NREP: variants seen among roughly 807,000 people sequenced by gnomAD.
NREP encodes neuronal regeneration related protein, also known as neuronal regeneration-related protein.
NREP carries 5 observed loss-of-function variants against 8.6 expected under a neutral mutation model. The ratio of observed to expected loss-of-function variants is 0.58; its 90% CI spans 0.30 to 1.22. NREP has a LOEUF of 1.22. NREP is among the 50% of genes most tolerant of loss of function. The pLI is 0.07. For missense variants in NREP, 86 were observed against 82.5 expected (o/e 1.04, Z -0.17); for synonymous variants, 27 against 28.0 (o/e 0.96, Z 0.11).
chr5:111,933,842 C>A (rs1755609490), intron 2 of NREP, among the ~76,000 whole-genome samples: 1 of 152,024 alleles, frequency 6.6e-6, no homozygotes, highest in Non-Finnish European at 1.5e-5. Flanking sequence ...AACCCAGAAG[C>A]TAGGGAGGAC....
At chr5:111,809,601 G>A (rs1348877237) in intron 2 of NREP, among the ~76,000 whole-genome samples, 19 of 152,128 alleles carry the variant, frequency 1.2e-4, no homozygotes, top group Admixed American at 9.8e-4. Context: ...GATATTCCTC[G>A]GGTTTTGCCT....
chr5:111,793,744 G>C (rs1313408494), intron 2 of NREP, among the ~76,000 whole-genome samples: 2 of 152,178 alleles, frequency 1.3e-5, no homozygotes, highest in Admixed American at 6.5e-5. Flanking sequence ...GCTAAGTAAA[G>C]TTGATGGCAC....
intron 2 of NREP, among the ~76,000 whole-genome samples, chr5:111,933,064 A>G (rs1341419387): frequency 2.6e-5 from 4 of 152,246 alleles, no homozygotes; most frequent in Non-Finnish European, 5.9e-5. Context: ...ACTCCTCCTT[A>G]GCATTATAAC....
At chr5:111,870,383 T>A (rs931880924) in intron 2 of NREP, among the ~76,000 whole-genome samples, 1 of 152,264 alleles carries the variant, frequency 6.6e-6, no homozygotes, top group South Asian at 2.1e-4. Context: ...TAAGCCAAGA[T>A]TGTGCCACTG....
rs116281392 is a variant in NREP, at chr5:111,878,823, G to A, written c.135+96451C>T. On this transcript the variant is annotated intron_variant, in intron 2 of 3. Transcript: ENST00000395634. Reference sequence around the variant, plus strand: ...CTCTGACCATCTGCAAGCTTCAGATGCTCACAAACTTTTCTTGATCATGGC... The same window carrying A: ...CTCTGACCATCTGCAAGCTTCAGATACTCACAAACTTTTCTTGATCATGGC... Among the ~76,000 whole-genome samples the A allele has an allele frequency of 8.1e-3, 1,226 of 152,190 alleles. 14 individuals carry two copies. Among genetic ancestry groups the A allele is most frequent in the Non-Finnish European group, 9.8e-3 (664 of 68,008 alleles).
chr5:111,733,275 T>C (rs1174489985), intron 3 of NREP: 1 of 152,204 alleles, frequency 6.6e-6, no homozygotes, highest in Non-Finnish European at 1.5e-5. Context: ...ATTAACTTGC[T>C]GTGTGGAAGA....
chr5:111,972,922 C>A (rs1431619607), intron 2 of NREP, among the ~76,000 whole-genome samples: 1 of 152,166 alleles, frequency 6.6e-6, no homozygotes, highest in African/African-American at 2.4e-5. Flanking sequence ...TCCATAAGCA[C>A]AAAACTAAAA....
intron 2 of NREP, among the ~76,000 whole-genome samples, chr5:111,777,700 A>C (rs1751397779): frequency 6.6e-6 from 1 of 152,060 alleles, no homozygotes; most frequent in Non-Finnish European, 1.5e-5. Context: ...AAGGAAGAAA[A>C]AGCAACGTTT....
intron 2 of NREP, among the ~76,000 whole-genome samples, chr5:111,885,614 C>T (rs1485029081): frequency 6.6e-6 from 1 of 151,952 alleles, no homozygotes; most frequent in South Asian, 2.1e-4. Flanking sequence ...GTACTGGTAC[C>T]AAAACAGAGA....
intron 2 of NREP, chr5:111,845,932 A>G (rs1173193960): frequency 6.6e-6 from 1 of 152,042 alleles, no homozygotes; most frequent in African/African-American, 2.4e-5. Context: ...TGTTAAGTGC[A>G]CAACTATGAC....
At chr5:111,830,603 C>T (rs1752744296) in intron 2 of NREP, among the ~76,000 whole-genome samples, 1 of 152,204 alleles carries the variant, frequency 6.6e-6, no homozygotes, top group Non-Finnish European at 1.5e-5. Context: ...TGGCACAAAG[C>T]CATTCTCCCT....
At chr5:111,755,895 C>G in intron 1 of NREP, 65 bp from the exon 2 acceptor site, 1 of 1,595,928 alleles carries the variant, frequency 6.3e-7, no homozygotes, top group Non-Finnish European at 8.6e-7. Context: ...CGAAAAATGC[C>G]TCTTTAGAGG....
At chr5:111,909,163 T>A (rs1307446414) in intron 2 of NREP, among the ~76,000 whole-genome samples, 1 of 152,058 alleles carries the variant, frequency 6.6e-6, no homozygotes, top group Non-Finnish European at 1.5e-5. Context: ...TTTTCTCTCA[T>A]TCTGTAGGTT....
intron 2 of NREP, among the ~76,000 whole-genome samples, chr5:111,875,457 C>A (rs761382883): frequency 2.0e-5 from 3 of 152,070 alleles, no homozygotes; most frequent in Non-Finnish European, 4.4e-5. Context: ...ACATAGAAAT[C>A]TTATTGTGGT....
chr5:111,953,920 T>G (rs1288321467), intron 2 of NREP, among the ~76,000 whole-genome samples: 1 of 152,092 alleles, frequency 6.6e-6, no homozygotes, highest in Non-Finnish European at 1.5e-5. Context: ...CAGTCTCACA[T>G]CCTCAAAGTA....
chr5:111,887,270 T>G (rs1220156704), intron 2 of NREP, among the ~76,000 whole-genome samples: 1 of 152,184 alleles, frequency 6.6e-6, no homozygotes, highest in Non-Finnish European at 1.5e-5. Context: ...CTTTGGTTTC[T>G]ATAGCAACTT....
chr5:111,793,644 C>A (rs1751805148), intron 2 of NREP, among the ~76,000 whole-genome samples: 1 of 152,184 alleles, frequency 6.6e-6, no homozygotes, highest in Non-Finnish European at 1.5e-5. Flanking sequence ...GCTAACTGGG[C>A]AGACTTTAGC....
intron 2 of NREP, among the ~76,000 whole-genome samples, chr5:111,742,294 C>T (rs997597504): frequency 6.6e-6 from 1 of 152,110 alleles, no homozygotes; most frequent in Non-Finnish European, 1.5e-5. Flanking sequence ...GTGGAATCCT[C>T]TAAATTCACT....
intron 2 of NREP, among the ~76,000 whole-genome samples, chr5:111,789,682 CTCTT>C (rs1207597899): frequency 1.3e-5 from 2 of 152,122 alleles, no homozygotes; most frequent in Non-Finnish European, 2.9e-5. Context: ...GCTGTAGATT[CTCTT>C]TCTAACCTTG....
Sources: gnomAD v4.1 joint callset for allele counts (sites outside exome capture counted in the v4.1 genomes callset) on GRCh38, gnomAD v4.1.1 for gene constraint, MANE v1.5 for transcripts, NCBI Gene and HGNC (gene_info 2026-07-23, HGNC 2026-07-21) for gene names.